TCERG1L: variants seen among roughly 807,000 people sequenced by gnomAD.
TCERG1L encodes the protein transcription elongation regulator 1-like protein.
In TCERG1L, 37 loss-of-function variants were observed where a neutral mutation model predicts 56.3. The observed-to-expected ratio is 0.66, with a 90% CI of 0.51 to 0.87. The LOEUF is 0.87. Among genes scored for constraint, TCERG1L ranks in the 40% least tolerant of loss-of-function variants. TCERG1L has a pLI of 0.00. For synonymous variants in TCERG1L, 324 were observed against 326.3 expected (o/e 0.99, Z 0.08); for missense variants, 799 against 774.2 (o/e 1.03, Z -0.38).
At chr10:131,275,043 C>T (rs1461131240) in intron 3 of TCERG1L, among the ~76,000 whole-genome samples, 4 of 152,194 alleles carry the variant, frequency 2.6e-5, no homozygotes, top group African/African-American at 9.7e-5. Flanking sequence ...CTGATCCATA[C>T]TCAAAGGTGC....
intron 8 of TCERG1L, among the ~76,000 whole-genome samples, chr10:131,131,774 A>G (rs1845621110): frequency 6.6e-6 from 1 of 152,266 alleles, no homozygotes; most frequent in Non-Finnish European, 1.5e-5. Context: ...CTTAAACAAC[A>G]TAATCAGGCT....
chr10:131,196,435 C>T (rs1417102480), intron 4 of TCERG1L, among the ~76,000 whole-genome samples: 1 of 152,200 alleles, frequency 6.6e-6, no homozygotes, highest in Admixed American at 6.5e-5. Flanking sequence ...ATACCCCAGG[C>T]CAAGGGATGC....
chr10:131,124,794 T>C (rs1845548154), intron 8 of TCERG1L, among the ~76,000 whole-genome samples: 1 of 152,220 alleles, frequency 6.6e-6, no homozygotes, highest in East Asian at 1.9e-4. Context: ...GCTAATAAAA[T>C]GCGTGGTCTC....
chr10:131,191,885 A>AAAAAG (rs1564811252), intron 4 of TCERG1L, among the ~76,000 whole-genome samples: 6 of 137,522 alleles, frequency 4.4e-5, no homozygotes, highest in African/African-American at 8.2e-5. Context: ...AAAAAAAAAA[A>AAAAAG]AAAAGAAAAA....
chr10:131,262,536 A>C (rs1846245673), intron 3 of TCERG1L, among the ~76,000 whole-genome samples: 1 of 152,234 alleles, frequency 6.6e-6, no homozygotes, highest in Admixed American at 6.5e-5. Flanking sequence ...GTTTACAGAA[A>C]AAATGGGTAG....
chr10:131,247,702 C>T (rs1846054407), intron 4 of TCERG1L, among the ~76,000 whole-genome samples: 1 of 152,186 alleles, frequency 6.6e-6, no homozygotes, highest in South Asian at 2.1e-4. Context: ...CCCCATCATC[C>T]ATCCTTGATC....
At chr10:131,238,613 T>C (rs11599122) in intron 4 of TCERG1L, among the ~76,000 whole-genome samples, 8,913 of 152,274 alleles carry the variant, frequency 0.059, 342 homozygotes, top group Middle Eastern at 0.14. Context: ...TCATTATCTC[T>C]GGTGCTTGTT....
rs1276069495 is a variant in TCERG1L, at chr10:131,206,318, C to A, written c.857-39433G>T. On this transcript the variant is annotated intron_variant, in intron 4 of 11. Transcript: ENST00000368642. The stretch of plus-strand genomic sequence containing the variant: ...ACTGGGCAGGGAGGTCAGCCCGGGA[C>A]ACACCCTCCAAGGGGGTCCTGGAGT... Among the ~76,000 whole-genome samples, 3 of 152,158 alleles carry A rather than the reference C, an allele frequency of 2.0e-5. No homozygotes were observed. In the East Asian group the frequency reaches 5.8e-4, roughly 30 times the overall value.
chr10:131,204,403 C>G (rs1845492174), intron 4 of TCERG1L, among the ~76,000 whole-genome samples: 1 of 152,218 alleles, frequency 6.6e-6, no homozygotes, highest in Admixed American at 6.5e-5. Flanking sequence ...ACCTGCCCCC[C>G]CACCCTGCCC....
chr10:131,139,870 A>G (rs1291646294), intron 7 of TCERG1L, among the ~76,000 whole-genome samples: 6 of 151,646 alleles, frequency 4.0e-5, no homozygotes, highest in Admixed American at 3.9e-4. Context: ...GCGTGTATAT[A>G]TGCATTTGTG....
chr10:131,220,954 G>A (rs189259975), intron 4 of TCERG1L, among the ~76,000 whole-genome samples: 11 of 152,310 alleles, frequency 7.2e-5, no homozygotes, highest in Admixed American at 2.0e-4. Context: ...GGGCACCTGC[G>A]GTGTGGTCAC....
rs759869039 is a variant in TCERG1L, at chr10:131,308,389, G to C, written c.492C>G (p.Ile164Met). 2 of 1,612,318 alleles carry C rather than the reference G, an allele frequency of 1.2e-6. No homozygotes were observed. Among genetic ancestry groups the C allele is most frequent in the Non-Finnish European group, 1.7e-6 (2 of 1,179,082 alleles). ...WIDKRIPNCK[I>M]FFNNSFALDS... ...CCAGAGCAAAGGAATTATTAAAAAA[G>C]ATCTGTCGAAAAATAATGCAAGCAT... Residue 164 changes from isoleucine to methionine, a missense_variant and splice_region_variant, in exon 3 of 12, where the codon ATC (isoleucine) becomes ATG (methionine). Physicochemically the swap from Ile to Met is conservative, Grantham distance 10. Coordinates refer to ENST00000368642, the MANE Select transcript of TCERG1L (RefSeq NM_174937.4).
At chr10:131,203,154 G>T (rs1362249139) in intron 4 of TCERG1L, among the ~76,000 whole-genome samples, 1 of 152,136 alleles carries the variant, frequency 6.6e-6, no homozygotes, top group African/African-American at 2.4e-5. Flanking sequence ...GCCTTCTCAG[G>T]AGTAGTGACA....
At chr10:131,250,153 C>T (rs1053123360) in intron 4 of TCERG1L, among the ~76,000 whole-genome samples, 4 of 152,190 alleles carry the variant, frequency 2.6e-5, no homozygotes, top group Non-Finnish European at 5.9e-5. Flanking sequence ...TGGCAGAGCC[C>T]ACCTCGCTCC....
At chr10:131,228,835 C>A (rs540959358) in intron 4 of TCERG1L, among the ~76,000 whole-genome samples, 3 of 113,434 alleles carry the variant, frequency 2.6e-5, no homozygotes, top group Admixed American at 8.0e-5. Context: ...TCCCTCCAGA[C>A]AGGCATTTCC....
chr10:131,158,864 G>A (rs960548677), intron 6 of TCERG1L, among the ~76,000 whole-genome samples: 3 of 152,194 alleles, frequency 2.0e-5, no homozygotes, highest in Admixed American at 6.5e-5. Flanking sequence ...GCTTGGCCGC[G>A]AGAGGGAGGA....
In TCERG1L at chr10:131,146,561, G is replaced by A. The variant is rs2133414632; in HGVS notation, c.1134C>T (p.Asp378=). ...EKPMDLKDRG[D]LNRIIEDPPH... The stretch of plus-strand genomic sequence containing the variant: ...GCGGGTCCTCAATGATCCTGTTGAG[G>A]TCTCCGCGGTCCTTCAGGTCCATGG... Residue 378 remains aspartate, a synonymous_variant, in exon 7 of 12, where the codon GAC becomes GAT. Transcript: ENST00000368642. 1 of 1,613,908 alleles carries A rather than the reference G, an allele frequency of 6.2e-7. No individual in the cohort carries two copies. Among genetic ancestry groups the A allele is most frequent in the Non-Finnish European group, 8.5e-7 (1 of 1,179,844 alleles).
intron 4 of TCERG1L, among the ~76,000 whole-genome samples, chr10:131,247,719 C>T (rs1255466550): frequency 6.6e-6 from 1 of 152,200 alleles, no homozygotes; most frequent in African/African-American, 2.4e-5. Flanking sequence ...GATCAATTCA[C>T]ACATCTGGTC....
chr10:131,228,228 C>T (rs1227946644), intron 4 of TCERG1L, among the ~76,000 whole-genome samples: 400 of 122,244 alleles, frequency 3.3e-3, no homozygotes, highest in African/African-American at 0.012. Context: ...TTCCTCAAGG[C>T]CTCCGGAGTC....
Sources: allele counts gnomAD v4.1 joint callset (sites outside exome capture counted in the v4.1 genomes callset), GRCh38; gene constraint gnomAD v4.1.1; transcripts MANE v1.5; gene names NCBI Gene and HGNC (gene_info 2026-07-23, HGNC 2026-07-21).